Variants in MMAA observed in about 807,000 individuals in gnomAD.
MMAA encodes methylmalonic aciduria type A protein, mitochondrial.
A neutral mutation model predicts 45.0 loss-of-function variants in MMAA; 41 were observed. That is an observed-to-expected ratio of 0.91 (90% confidence interval 0.71 to 1.18). The LOEUF (loss-of-function observed/expected upper bound fraction) is 1.18. MMAA is among the 50% of genes most tolerant of loss of function. The pLI, the probability that MMAA is intolerant of heterozygous loss-of-function variation, is 0.00. For synonymous variants in MMAA, 154 were observed against 178.2 expected, an observed-to-expected ratio of 0.86 and a Z score of 1.08; for missense variants, 460 against 495.7, an observed-to-expected ratio of 0.93 and a Z score of 0.68.
rs864309726 is a variant in MMAA at position 145,639,405 on chromosome 4, T to C, written c.266T>C (p.Leu89Pro). The C allele has an allele frequency of 8.1e-6, 13 of 1,614,088 alleles. No individual in the cohort carries two copies. Among genetic ancestry groups the C allele is most frequent in the Non-Finnish European group, 1.0e-5 (12 of 1,180,050 alleles). Residue 89 changes from leucine to proline, a missense_variant, in exon 2 of 7, where the codon CTT becomes CCT. Coordinates refer to ENST00000649156, the MANE Select transcript of MMAA (RefSeq NM_172250.3). ...AAAGAGCAAAGATTTGTGGATAAAC[T>C]TTATACTGGTTTAATCCAAGGGCAA... ...SDKEQRFVDKLYTGLIQGQRA... is the reference protein window; with the variant it reads ...SDKEQRFVDKPYTGLIQGQRA...
Position 145,642,462 on chromosome 4 carries a change from A to G in MMAA, c.539A>G (p.Asp180Gly). ...CACAAATTATCTGTGCTAGCTGTGG[A>G]CCCTTCTTCTTGTACTAGTGGTGGT... ...RGHKLSVLAV[D>G]PSSCTSGGSL... The change falls in exon 3 of 7, where the codon GAC becomes GGC. Residue 180 changes from aspartate (D) to glycine (G), a missense_variant. Physicochemically the swap from Asp to Gly is moderately conservative, Grantham distance 94. Transcript: ENST00000649156. 6.2e-7 allele frequency: 1 copy of G among 1,614,088 alleles called. No individual in the cohort carries two copies. Among genetic ancestry groups the G allele is most frequent in the Non-Finnish European group, 8.5e-7 (1 of 1,179,990 alleles).
intron 4 of MMAA, among the ~76,000 whole-genome samples, chr4:145,647,394 A>G (rs1032221376): frequency 3.3e-5 from 5 of 152,218 alleles, no homozygotes; most frequent in African/African-American, 1.2e-4. Flanking sequence ...TTTAACAGTT[A>G]CCAGCATGGT....
chr4:145,624,859 C>A (rs1008354812), intron 1 of MMAA: 2 of 1,611,864 alleles, frequency 1.2e-6, no homozygotes, highest in African/African-American at 2.7e-5. Context: ...ACAAGCCAAT[C>A]CTCTGTAACC....
intron 1 of MMAA, among the ~76,000 whole-genome samples, chr4:145,627,920 T>C (rs1007538477): frequency 6.6e-6 from 1 of 152,220 alleles, no homozygotes; most frequent in African/African-American, 2.4e-5. Context: ...GAAGAAATGG[T>C]AAAATGTGAT....
Position 145,649,125 on chromosome 4 carries a change from C to CA in MMAA, c.734-1914dup, listed in dbSNP as rs201679920. Among the ~76,000 whole-genome samples the CA allele has an allele frequency of 8.3e-3, 748 of 89,670 alleles. 3 individuals carry two copies. The highest frequency in any genetic ancestry group is 0.013 in the East Asian group (34 of 2,658). The allele number at this position is 89,670 out of a possible 152,430, so 58.8% of individuals were successfully genotyped here. On this transcript the variant is annotated intron_variant, in intron 4 of 6. Coordinates refer to ENST00000649156, the MANE Select transcript of MMAA (RefSeq NM_172250.3). ...GCAACATAGCAAGCCTTGGTTCTAT[C>CA]AAAAAAAAAAAAAAAAAAAAAAATT...
At chr4:145,624,831 G>A in intron 1 of MMAA, 2 of 1,609,660 alleles carry the variant, frequency 1.2e-6, no homozygotes, top group Non-Finnish European at 8.5e-7. Context: ...TACCTTACAT[G>A]GGTCCTGATG....
At chr4:145,628,613 G>T (rs1734252915) in intron 1 of MMAA, among the ~76,000 whole-genome samples, 1 of 152,148 alleles carries the variant, frequency 6.6e-6, no homozygotes, top group Non-Finnish European at 1.5e-5. Flanking sequence ...GATAATCTAA[G>T]ATAATCTTTT....
intron 1 of MMAA, among the ~76,000 whole-genome samples, chr4:145,628,722 G>A (rs149790246): frequency 1.1e-4 from 16 of 152,272 alleles, no homozygotes; most frequent in African/African-American, 2.4e-4. Context: ...GGATTCGGAC[G>A]TGGACATGTT....
rs1131692023 is a variant in MMAA, at chr4:145,655,281, G to T, written c.1104G>T (p.Trp368Cys). 10 of 1,614,060 alleles carry T rather than the reference G, an allele frequency of 6.2e-6. No homozygotes were observed. Among genetic ancestry groups the T allele is most frequent in the Non-Finnish European group, 8.5e-6 (10 of 1,180,034 alleles). ...GGAAGCAACAGAAAGTTTGGATGTG[G>T]AATCTCATTCAGGAAAGTGTGTTAG... ...KRRKQQKVWM[W>C]NLIQESVLEH... The change falls in exon 7 of 7, where the codon TGG (tryptophan) becomes TGT (cysteine). Residue 368 changes from tryptophan (W) to cysteine (C), a missense_variant. By Grantham distance (215) the Trp-to-Cys change is radical. Coordinates refer to ENST00000649156, the MANE Select transcript of MMAA (RefSeq NM_172250.3).
At chr4:145,633,612 G>T (rs551912152) in intron 1 of MMAA, among the ~76,000 whole-genome samples, 145 of 152,254 alleles carry the variant, frequency 9.5e-4, no homozygotes, top group African/African-American at 3.4e-3. Flanking sequence ...AGTTTATTTG[G>T]TGAGGTCATG....
Position 145,655,406 on chromosome 4 carries a change from T to C in MMAA, c.1229T>C (p.Leu410Ser). The change falls in exon 7 of 7, where the codon TTG becomes TCG. Residue 410 changes from leucine to serine, a missense_variant. By Grantham distance (145) the Leu-to-Ser change is moderately radical. Transcript: ENST00000649156. The stretch of plus-strand genomic sequence containing the variant: ...TCCCCAGGACTAGCAGCAGACTTCT[T>C]GTTAAAAGCTTTTAAAAGCAGAGAC... ...ALSPGLAADF[L>S]LKAFKSRD is the part of the protein sequence containing the mutation. 6.2e-7 allele frequency: 1 copy of C among 1,612,154 alleles called. No homozygotes were observed. Among genetic ancestry groups the C allele is most frequent in the Non-Finnish European group, 8.5e-7 (1 of 1,179,468 alleles).
chr4:145,648,200 T>C (rs1727991550), intron 4 of MMAA, among the ~76,000 whole-genome samples: 1 of 145,644 alleles, frequency 6.9e-6, no homozygotes, highest in Non-Finnish European at 1.5e-5. Flanking sequence ...CAGGCTGGAG[T>C]GTAGTGGTGC....
chr4:145,624,270 A>G, intron 1 of MMAA: 1 of 798,418 alleles, frequency 1.3e-6, no homozygotes, highest in Non-Finnish European at 2.3e-6. Flanking sequence ...GGGGGAAGTT[A>G]TATTCCTCCT....
intron 1 of MMAA, among the ~76,000 whole-genome samples, chr4:145,635,756 A>C (rs1169484043): frequency 6.6e-6 from 1 of 152,240 alleles, no homozygotes; most frequent in Non-Finnish European, 1.5e-5. Context: ...AATGTTTTCT[A>C]TCCTGCAGAT....
At chr4:145,652,043 C>T (rs1728107598) in intron 5 of MMAA, among the ~76,000 whole-genome samples, 1 of 152,092 alleles carries the variant, frequency 6.6e-6, no homozygotes, top group Non-Finnish European at 1.5e-5. Flanking sequence ...GACCCTTGCA[C>T]TAGAGTGACT....
chr4:145,634,138 C>T (rs12640509), intron 1 of MMAA, among the ~76,000 whole-genome samples: 14,712 of 152,274 alleles, frequency 0.097, 819 homozygotes, highest in Admixed American at 0.17. Context: ...TTATGTCCTT[C>T]ATTTGAGGGT....
At chr4:145,620,249 G>A (rs1291398949) in intron 1 of MMAA, among the ~76,000 whole-genome samples, 6 of 152,128 alleles carry the variant, frequency 3.9e-5, no homozygotes, top group Admixed American at 1.3e-4. Context: ...TCAAAGACAA[G>A]GACAGGTTTT....
intron 5 of MMAA, among the ~76,000 whole-genome samples, chr4:145,653,713 C>G (rs1728155630): frequency 6.6e-6 from 1 of 152,160 alleles, no homozygotes. Flanking sequence ...GTGAACTGTC[C>G]TGCCACTCAA....
intron 1 of MMAA, chr4:145,625,789 C>G: frequency 1.7e-6 from 2 of 1,180,054 alleles, no homozygotes; most frequent in South Asian, 1.2e-5. Flanking sequence ...TGAATTGTCT[C>G]CTCTTTAAGC....
Sources: allele counts gnomAD v4.1 joint callset (sites outside exome capture counted in the v4.1 genomes callset), GRCh38; gene constraint gnomAD v4.1.1; transcripts MANE v1.5; gene names NCBI Gene and HGNC (gene_info 2026-07-23, HGNC 2026-07-21).